The following RIPOR2 variants were observed in gnomAD, a reference collection of about 807,000 sequenced individuals.
RIPOR2 encodes the protein RHO family interacting cell polarization regulator 2.
Under a neutral mutation model 114.5 loss-of-function variants are expected in RIPOR2, and 39 were observed. The ratio of observed to expected loss-of-function variants is 0.34; its 90% CI spans 0.26 to 0.44. RIPOR2 has a LOEUF of 0.44. Among genes scored for constraint, RIPOR2 ranks in the 20% least tolerant of loss-of-function variants. The pLI, the probability that RIPOR2 is intolerant of heterozygous loss-of-function variation, is 1.00. For synonymous variants in RIPOR2, 445 were observed against 484.4 expected (o/e 0.92, Z 1.07); for missense variants, 1,007 against 1,255.1 (o/e 0.80, Z 2.99).
rs145143483 is a variant in RIPOR2 at position 24,968,842 on chromosome 6, A to C, written c.76+73009T>G. On this transcript the variant is annotated intron_variant, in intron 1 of 13. Transcript: ENST00000510784. ...ACAGTACAGTCTTCAGCACCAAAGA[A>C]TTATGCAGCCCAAACTGTCAATAGA... Among the ~76,000 whole-genome samples the C allele has an allele frequency of 1.3e-5, 2 of 152,248 alleles. 1 individual carries two copies. Among genetic ancestry groups the C allele is most frequent in the East Asian group, 3.9e-4 (2 of 5,184 alleles).
At chr6:24,894,258 T>C (rs563210426) in intron 1 of RIPOR2, among the ~76,000 whole-genome samples, 6 of 152,368 alleles carry the variant, frequency 3.9e-5, no homozygotes, top group African/African-American at 1.2e-4. Context: ...CTACTCTACA[T>C]GCTAACAGCA....
At chr6:24,941,090 C>T (rs566856688) in intron 1 of RIPOR2, among the ~76,000 whole-genome samples, 16 of 152,276 alleles carry the variant, frequency 1.1e-4, no homozygotes, top group African/African-American at 3.9e-4. Context: ...CCTGCCTCCC[C>T]CAGTTTCAGG....
chr6:24,984,651 C>CAAG (rs1554127965), intron 1 of RIPOR2, among the ~76,000 whole-genome samples: 2 of 148,034 alleles, frequency 1.4e-5, no homozygotes, highest in Non-Finnish European at 1.5e-5. Flanking sequence ...CCCCGTCTCT[C>CAAG]AAAAAAAAAA....
intron 1 of RIPOR2, among the ~76,000 whole-genome samples, chr6:24,892,944 G>A (rs1767510581): frequency 6.6e-6 from 1 of 152,120 alleles, no homozygotes; most frequent in Admixed American, 6.5e-5. Flanking sequence ...AGTTATGCAA[G>A]GAAATGTCCA....
chr6:24,916,956 A>G lies in RIPOR2; in HGVS notation c.61+18882T>C, dbSNP rs563438878. On this transcript the variant is annotated intron_variant, in intron 1 of 21. Coordinates refer to ENST00000643898, the MANE Select transcript of RIPOR2 (RefSeq NM_001286445.3). ...GACCTGTAAGGCTGCATAGGTAGAC[A>G]ACAATCAGTGAAATGTTCAAAGTTG... 2.0e-5 allele frequency among the ~76,000 whole-genome samples: 3 copies of G among 152,344 alleles called. No homozygotes were observed. In the East Asian group the frequency reaches 5.8e-4, roughly 29 times the overall value.
chr6:24,820,305 A>T (rs1304850535), intron 19 of RIPOR2, among the ~76,000 whole-genome samples: 1 of 152,244 alleles, frequency 6.6e-6, no homozygotes, highest in Non-Finnish European at 1.5e-5. Flanking sequence ...TGCTGGGATT[A>T]CAGGCGTGAG....
chr6:24,948,012 C>T (rs976583411), intron 1 of RIPOR2: 1 of 152,092 alleles, frequency 6.6e-6, no homozygotes, highest in Non-Finnish European at 1.5e-5. Flanking sequence ...AAAATTAACT[C>T]ATACTAGCAT....
chr6:25,010,321 C>T (rs897249188), intron 1 of RIPOR2, among the ~76,000 whole-genome samples: 2 of 152,064 alleles, frequency 1.3e-5, no homozygotes, highest in African/African-American at 4.8e-5. Flanking sequence ...CTCCTTCCTC[C>T]CCCTTTCCTC....
intron 1 of RIPOR2, among the ~76,000 whole-genome samples, chr6:24,943,112 T>C (rs192349214): frequency 4.9e-4 from 74 of 152,254 alleles, no homozygotes; most frequent in Middle Eastern, 6.8e-3. Flanking sequence ...CAATGATAGA[T>C]TGGATTAAGA....
At chr6:24,944,035 T>C (rs1017665792) in intron 1 of RIPOR2, among the ~76,000 whole-genome samples, 2 of 152,088 alleles carry the variant, frequency 1.3e-5, no homozygotes, top group African/African-American at 4.8e-5. Flanking sequence ...ACAAAAAGCT[T>C]AAAAGAAAAA....
At chr6:24,908,745 C>A (rs1278535245) in intron 1 of RIPOR2, among the ~76,000 whole-genome samples, 1 of 152,154 alleles carries the variant, frequency 6.6e-6, no homozygotes, top group Non-Finnish European at 1.5e-5. Flanking sequence ...CCTCCACCCG[C>A]CCCCAGCCTC....
chr6:24,834,583 A>G (rs986256199), intron 15 of RIPOR2, among the ~76,000 whole-genome samples: 5 of 151,806 alleles, frequency 3.3e-5, no homozygotes, highest in Non-Finnish European at 7.4e-5. Flanking sequence ...ATGGTAGTAC[A>G]GGTCTGCGTT....
intron 14 of RIPOR2, among the ~76,000 whole-genome samples, chr6:24,838,799 A>G (rs1427763992): frequency 1.3e-5 from 2 of 152,240 alleles, no homozygotes; most frequent in Non-Finnish European, 2.9e-5. Flanking sequence ...GTCTTAAAAA[A>G]AAATGTGTAC....
chr6:25,033,880 G>C (rs1777117095), intron 1 of RIPOR2, among the ~76,000 whole-genome samples: 1 of 151,502 alleles, frequency 6.6e-6, no homozygotes, highest in Non-Finnish European at 1.5e-5. Flanking sequence ...TTGGTTTTTT[G>C]ACTGAGGATA....
intron 1 of RIPOR2, among the ~76,000 whole-genome samples, chr6:24,921,838 TTTA>T: frequency 6.6e-6 from 1 of 151,910 alleles, no homozygotes; most frequent in Non-Finnish European, 1.5e-5. Flanking sequence ...CTTTCTTTTT[TTTA>T]AAATTTGAGA....
chr6:24,909,835 C>A (rs1379804045), intron 1 of RIPOR2, among the ~76,000 whole-genome samples: 1 of 152,168 alleles, frequency 6.6e-6, no homozygotes, highest in Non-Finnish European at 1.5e-5. Context: ...ATCTCCAAGA[C>A]AGGGACCTAC....
intron 1 of RIPOR2, among the ~76,000 whole-genome samples, chr6:24,971,300 T>C (rs967918907): frequency 1.3e-5 from 2 of 152,204 alleles, no homozygotes; most frequent in African/African-American, 4.8e-5. Context: ...GAGATCAGGG[T>C]GACATGTTGT....
upstream of RIPOR2, among the ~76,000 whole-genome samples, chr6:24,938,459 C>T (rs372039940): frequency 1.2e-4 from 19 of 152,316 alleles, 2 homozygotes; most frequent in South Asian, 3.9e-3. Context: ...TACTTCATTA[C>T]AGAAGTCCTA....
intron 1 of RIPOR2, among the ~76,000 whole-genome samples, chr6:24,916,354 C>T (rs966151407): frequency 6.6e-6 from 1 of 152,212 alleles, no homozygotes; most frequent in Non-Finnish European, 1.5e-5. Flanking sequence ...GACTCAATCA[C>T]ACATCTTCCA....
Sources: gnomAD v4.1 joint callset for allele counts (sites outside exome capture counted in the v4.1 genomes callset) on GRCh38, gnomAD v4.1.1 for gene constraint, MANE v1.5 for transcripts, NCBI Gene and HGNC (gene_info 2026-07-23, HGNC 2026-07-21) for gene names.